Variants in FREM1 observed in about 807,000 individuals in gnomAD.
FREM1 encodes FRAS1 related extracellular matrix 1.
FREM1 carries 220 observed loss-of-function variants against 210.1 expected under a neutral mutation model. That is an observed-to-expected ratio of 1.05 (90% confidence interval 0.94 to 1.17). FREM1 has a LOEUF of 1.17. Among genes scored for constraint, FREM1 ranks in the 50% most tolerant of loss-of-function variants. The pLI is 0.00. For missense variants in FREM1, 3,454 were observed against 2,675.5 expected (o/e 1.29, Z -6.42); for synonymous variants, 1,189 against 980.2 (o/e 1.21, Z -3.98).
rs149501656 is a variant in FREM1 at position 14,881,608 on chromosome 9, T to C, written c.-267-12364A>G. Reference sequence around the variant, plus strand: ...ATTGTTAAAATAATATAGCAAATGTTTCCTTCGTTTCACTTATGATAACTT... The same window carrying C: ...ATTGTTAAAATAATATAGCAAATGTCTCCTTCGTTTCACTTATGATAACTT... On this transcript the variant is annotated intron_variant, in intron 1 of 36. Coordinates refer to ENST00000380880, the MANE Select transcript of FREM1 (RefSeq NM_001379081.2). Among the ~76,000 whole-genome samples, 838 of 152,340 alleles carry C rather than the reference T, an allele frequency of 5.5e-3. 8 individuals carry two copies. The highest frequency in any genetic ancestry group is 0.019 in the African/African-American group (782 of 41,574).
chr9:14,887,471 C>A (rs747902770), intron 1 of FREM1, among the ~76,000 whole-genome samples: 1 of 152,148 alleles, frequency 6.6e-6, no homozygotes, highest in Non-Finnish European at 1.5e-5. Context: ...AAAGCAGATT[C>A]TTCTCTTTCA....
At chr9:14,826,234 G>A (rs139688765) in intron 10 of FREM1, among the ~76,000 whole-genome samples, 66 of 151,798 alleles carry the variant, frequency 4.3e-4, no homozygotes, top group Non-Finnish European at 1.0e-4. Flanking sequence ...TGGGGCTACG[G>A]GCTTCCACCA....
At chr9:14,751,310 C>G (rs1363302074) in intron 29 of FREM1, among the ~76,000 whole-genome samples, 1 of 152,074 alleles carries the variant, frequency 6.6e-6, no homozygotes, top group Non-Finnish European at 1.5e-5. Context: ...CCTTTAAGCC[C>G]CTCTATATGA....
chr9:14,747,456 T>A (rs1227971903), intron 32 of FREM1, 28 bp from the exon 33 acceptor site: 1 of 1,595,382 alleles, frequency 6.3e-7, no homozygotes, highest in Admixed American at 1.8e-5. Context: ...TCAACAACAA[T>A]AAGGAAAAAA....
At chr9:14,753,820 C>T (rs566177440) in intron 29 of FREM1, among the ~76,000 whole-genome samples, 9 of 152,306 alleles carry the variant, frequency 5.9e-5, no homozygotes, top group African/African-American at 2.2e-4. Context: ...TGCAAAACTG[C>T]TTCTGGGTTA....
At chr9:14,853,763 T>A (rs1828199575) in intron 5 of FREM1, among the ~76,000 whole-genome samples, 2 of 152,224 alleles carry the variant, frequency 1.3e-5, no homozygotes, top group African/African-American at 4.8e-5. Context: ...GATACTGAGA[T>A]GTCCCAGGGT....
intron 22 of FREM1, among the ~76,000 whole-genome samples, chr9:14,791,552 A>G (rs1851319282): frequency 6.6e-6 from 1 of 152,202 alleles, no homozygotes; most frequent in Admixed American, 6.5e-5. Flanking sequence ...GACTTTGCCC[A>G]TCTGAACCTA....
chr9:14,842,515 G>T lies in FREM1; in HGVS notation c.1539C>A (p.Asn513Lys). Residue 513 changes from asparagine to lysine, a missense_variant, in exon 9 of 37, where the codon AAC becomes AAA. Transcript: ENST00000380880. ...HHSIRHKFPI[N>K]VLPKDDSPPF... is the part of the protein sequence containing the mutation. ...GGGGACTATCATCTTTGGGCAAGACGTTGATGGGGAATTTGTGACGGATGC... is the reference window on the plus strand; with the variant it reads ...GGGGACTATCATCTTTGGGCAAGACTTTGATGGGGAATTTGTGACGGATGC... The T allele has an allele frequency of 6.2e-7, 1 of 1,614,032 alleles. No individual in the cohort carries two copies. The highest frequency in any genetic ancestry group is 8.5e-7 in the Non-Finnish European group (1 of 1,179,876).
chr9:14,781,809 T>C lies in FREM1; in HGVS notation c.4442+2561A>G, dbSNP rs377647497. 4.6e-5 allele frequency among the ~76,000 whole-genome samples: 7 copies of C among 152,320 alleles called. No homozygotes were observed. The East Asian group carries it at 7.7e-4, about 17-fold the overall frequency. ...ACTTCTGCCTCCCGGGCTCAAGCAA[T>C]TCTCTTGCCACAGCCTCCTAAGTAG... is the stretch of plus-strand genomic sequence containing the variant. On this transcript the variant is annotated intron_variant, in intron 24 of 36. Transcript: ENST00000380880.
At chr9:14,893,404 A>G (rs1200907023) in intron 1 of FREM1, among the ~76,000 whole-genome samples, 1 of 152,226 alleles carries the variant, frequency 6.6e-6, no homozygotes, top group East Asian at 1.9e-4. Flanking sequence ...CAGTCCAGCA[A>G]AACTGGTCAG....
intron 28 of FREM1, among the ~76,000 whole-genome samples, chr9:14,758,552 G>T (rs1388869201): frequency 6.6e-6 from 1 of 152,124 alleles, no homozygotes; most frequent in Non-Finnish European, 1.5e-5. Flanking sequence ...TACTGAGCCT[G>T]GATATGGTCA....
intron 1 of FREM1, among the ~76,000 whole-genome samples, chr9:14,893,258 G>A (rs562745065): frequency 4.6e-5 from 7 of 152,300 alleles, no homozygotes; most frequent in African/African-American, 7.2e-5. Context: ...AAAAGAATTC[G>A]TGAGGCTAGT....
chr9:14,896,075 A>C (rs1311104414), intron 1 of FREM1, among the ~76,000 whole-genome samples: 1 of 152,158 alleles, frequency 6.6e-6, no homozygotes. Flanking sequence ...ACAGGTCATA[A>C]AGACCTTGCT....
At chr9:14,875,158 T>C (rs1001523021) in intron 1 of FREM1, among the ~76,000 whole-genome samples, 1 of 152,214 alleles carries the variant, frequency 6.6e-6, no homozygotes, top group African/African-American at 2.4e-5. Flanking sequence ...GGAGTTGCTC[T>C]TCTCGAGGAG....
At chr9:14,858,729 C>T (rs1179524543) in intron 4 of FREM1, among the ~76,000 whole-genome samples, 2 of 152,104 alleles carry the variant, frequency 1.3e-5, no homozygotes, top group Non-Finnish European at 1.5e-5. Context: ...TTCCTAATTT[C>T]GTCTATCACT....
chr9:14,881,794 G>A (rs998147277), intron 1 of FREM1, among the ~76,000 whole-genome samples: 4 of 152,204 alleles, frequency 2.6e-5, no homozygotes, highest in South Asian at 4.1e-4. Context: ...CTGCGGCTAT[G>A]TGATCAGATT....
intron 29 of FREM1, among the ~76,000 whole-genome samples, chr9:14,753,287 G>T (rs566116026): frequency 6.6e-6 from 1 of 152,160 alleles, no homozygotes; most frequent in Admixed American, 6.5e-5. Flanking sequence ...TCTATTGAAA[G>T]ACATTTTCTC....
intron 1 of FREM1, among the ~76,000 whole-genome samples, chr9:14,880,800 T>A (rs908717883): frequency 6.6e-6 from 1 of 152,164 alleles, no homozygotes; most frequent in South Asian, 2.1e-4. Context: ...TAAAGATGCA[T>A]CTTCTGACAG....
rs143107195 is a variant in FREM1 at position 14,879,924 on chromosome 9, G to T, written c.-267-10680C>A. Among the ~76,000 whole-genome samples the T allele has an allele frequency of 1.4e-4, 21 of 152,120 alleles. No individual in the cohort carries two copies. The East Asian group carries it at 2.5e-3, about 18-fold the overall frequency. On this transcript the variant is annotated intron_variant, in intron 1 of 36. Coordinates refer to ENST00000380880, the MANE Select transcript of FREM1 (RefSeq NM_001379081.2). ...AGATAGACTGAAGAAAGATGAGGGGGGTGCTATGTCTAGATGTTTGTGTCC... is the reference window on the plus strand; with the variant it reads ...AGATAGACTGAAGAAAGATGAGGGGTGTGCTATGTCTAGATGTTTGTGTCC...
Sources: gnomAD v4.1 joint callset for allele counts (sites outside exome capture counted in the v4.1 genomes callset) on GRCh38, gnomAD v4.1.1 for gene constraint, MANE v1.5 for transcripts, NCBI Gene and HGNC (gene_info 2026-07-23, HGNC 2026-07-21) for gene names.